AKT3: variants seen among roughly 807,000 people sequenced by gnomAD.
The protein encoded by AKT3 is RAC-gamma serine/threonine-protein kinase.
Under a neutral mutation model 65.3 loss-of-function variants are expected in AKT3, and 15 were observed. That is an observed-to-expected ratio of 0.23 (90% CI 0.15 to 0.35). AKT3 has a LOEUF of 0.35. Ranked by LOEUF, AKT3 falls within the 10% of genes least tolerant of loss-of-function variation. The probability of loss-of-function intolerance (pLI) is 1.00; values close to 1 mark genes in which losing one functional copy is unlikely to be tolerated. For missense variants in AKT3, 243 were observed against 576.5 expected (o/e 0.42, Z 5.92); for synonymous variants, 206 against 183.8 (o/e 1.12, Z -0.98).
intron 8 of AKT3, among the ~76,000 whole-genome samples, chr1:243,587,617 A>G (rs1037875019): frequency 3.3e-5 from 5 of 152,146 alleles, no homozygotes; most frequent in Non-Finnish European, 5.9e-5. Flanking sequence ...TCTCAAAAAT[A>G]CATACATAAA....
At chr1:243,757,543 G>A (rs527982985) in intron 2 of AKT3, among the ~76,000 whole-genome samples, 28 of 152,176 alleles carry the variant, frequency 1.8e-4, no homozygotes, top group African/African-American at 5.3e-4. Context: ...GCTTGAACCC[G>A]GGAGGCGGAG....
intron 2 of AKT3, among the ~76,000 whole-genome samples, chr1:243,826,612 A>G (rs1267688682): frequency 2.0e-5 from 3 of 152,188 alleles, no homozygotes; most frequent in African/African-American, 7.2e-5. Flanking sequence ...CCATCTTGAA[A>G]CCTTGAAGCA....
chr1:243,495,501 T>C (rs1023030304), downstream of AKT3, among the ~76,000 whole-genome samples: 9 of 152,178 alleles, frequency 5.9e-5, no homozygotes, highest in African/African-American at 2.2e-4. Context: ...GAATGGCCGC[T>C]GCCCTGCGAT....
chr1:243,573,355 C>T (rs931411651), intron 8 of AKT3, among the ~76,000 whole-genome samples: 2 of 152,150 alleles, frequency 1.3e-5, no homozygotes, highest in African/African-American at 4.8e-5. Flanking sequence ...TTCCCCCTCA[C>T]TATACTGTTG....
intron 2 of AKT3, among the ~76,000 whole-genome samples, chr1:243,773,931 T>C (rs902190874): frequency 6.6e-6 from 1 of 152,194 alleles, no homozygotes; most frequent in Non-Finnish European, 1.5e-5. Context: ...AATACTCTAG[T>C]GTGTTTATTC....
At chr1:243,584,345 C>T (rs1675638686) in intron 8 of AKT3, among the ~76,000 whole-genome samples, 1 of 152,008 alleles carries the variant, frequency 6.6e-6, no homozygotes, top group Non-Finnish European at 1.5e-5. Context: ...CCAAAAAAGT[C>T]CCAAACAAGA....
At chr1:243,548,825 T>C (rs1230410351) in intron 11 of AKT3, among the ~76,000 whole-genome samples, 1 of 151,914 alleles carries the variant, frequency 6.6e-6, no homozygotes, top group Non-Finnish European at 1.5e-5. Context: ...GACTAAGAAA[T>C]AAAAGCAAAA....
At chr1:243,551,192 T>C (rs1350557699) in intron 11 of AKT3, among the ~76,000 whole-genome samples, 1 of 152,052 alleles carries the variant, frequency 6.6e-6, no homozygotes, top group African/African-American at 2.4e-5. Flanking sequence ...TGAGAGACCT[T>C]GAAGAAATCA....
chr1:243,692,261 C>T (rs1684740267), intron 3 of AKT3, among the ~76,000 whole-genome samples: 1 of 152,050 alleles, frequency 6.6e-6, no homozygotes, highest in Non-Finnish European at 1.5e-5. Context: ...TCATAAGATC[C>T]CCATATGAGA....
intron 12 of AKT3, among the ~76,000 whole-genome samples, chr1:243,518,121 T>C (rs955416647): frequency 2.0e-5 from 3 of 152,256 alleles, no homozygotes; most frequent in Non-Finnish European, 4.4e-5. Context: ...CTTTTTACTG[T>C]AGCATTTACA....
chr1:243,656,946 T>C (rs901680613), intron 4 of AKT3, among the ~76,000 whole-genome samples: 2 of 152,228 alleles, frequency 1.3e-5, no homozygotes, highest in Admixed American at 6.5e-5. Flanking sequence ...AAAAGGTATA[T>C]GTGCTATGAT....
Position 243,620,629 on chromosome 1 carries a change from T to G in AKT3, c.562-5468A>C, listed in dbSNP as rs542563075. Reference sequence around the variant, plus strand: ...TTGAGCACTGGCCCAGATAATGACTTCTAATACTTCTTCCATTCTCCAGCT... The same window carrying G: ...TTGAGCACTGGCCCAGATAATGACTGCTAATACTTCTTCCATTCTCCAGCT... On this transcript the variant is annotated intron_variant, in intron 6 of 13. Transcript: ENST00000673466. Among the ~76,000 whole-genome samples the G allele has an allele frequency of 3.4e-4, 52 of 152,266 alleles. 1 individual carries two copies. Among genetic ancestry groups the G allele is most frequent in the African/African-American group, 1.2e-3 (48 of 41,572 alleles).
chr1:243,654,819 C>T (rs1048198718), intron 4 of AKT3, among the ~76,000 whole-genome samples: 2 of 152,098 alleles, frequency 1.3e-5, no homozygotes, highest in Admixed American at 6.6e-5. Flanking sequence ...GGTCTACATG[C>T]TGCTGCTCTG....
intron 2 of AKT3, among the ~76,000 whole-genome samples, chr1:243,728,761 A>C (rs1687366462): frequency 6.6e-6 from 1 of 152,218 alleles, no homozygotes; most frequent in African/African-American, 2.4e-5. Flanking sequence ...GCACAAACTC[A>C]TTTGCAGTCT....
chr1:243,768,830 A>AG (rs1384916157), intron 2 of AKT3, among the ~76,000 whole-genome samples: 6 of 135,572 alleles, frequency 4.4e-5, no homozygotes, highest in Non-Finnish European at 9.5e-5. Context: ...GTGATCCGCC[A>AG]CAAAAAAAAA....
Position 243,526,728 on chromosome 1 carries a change from C to A in AKT3, c.1252-14302G>T, listed in dbSNP as rs191490407. Among the ~76,000 whole-genome samples, 23 of 85,858 alleles carry A rather than the reference C, an allele frequency of 2.7e-4. No homozygotes were observed. In the Admixed American group the frequency reaches 3.2e-3, roughly 12 times the overall value. 56.3% of individuals were successfully genotyped at this position (85,858 alleles called of 152,430 possible). A position where few individuals can be genotyped will look rare whatever the true frequency, so the allele number is the denominator to read the frequency against. On this transcript the variant is annotated intron_variant, in intron 12 of 13. Transcript: ENST00000673466. ...AAGAATGAAGGCAAAATAAAGACAT[C>A]ATCCCATAAAAGAAAACAAATTTTT...
At chr1:243,616,307 TAAAAAAAAA>T (rs57576796) in intron 6 of AKT3, among the ~76,000 whole-genome samples, 2 of 66,754 alleles carry the variant, frequency 3.0e-5, no homozygotes, top group Non-Finnish European at 5.1e-5. Flanking sequence ...GTGCTTTTCT[TAAAAAAAAA>T]AAAAAAAAAA....
intron 13 of AKT3, among the ~76,000 whole-genome samples, chr1:243,494,410 G>A (rs1667296561): frequency 6.6e-6 from 1 of 152,086 alleles, no homozygotes; most frequent in African/African-American, 2.4e-5. Flanking sequence ...TTGAACATAT[G>A]CAGCTAAAAT....
chr1:243,537,162 T>C (rs577555142), intron 12 of AKT3, among the ~76,000 whole-genome samples: 11 of 152,268 alleles, frequency 7.2e-5, no homozygotes, highest in African/African-American at 1.4e-4. Context: ...ACTTCCATTA[T>C]TGACCATGAA....
Sources: gnomAD v4.1 joint callset for allele counts (sites outside exome capture counted in the v4.1 genomes callset) on GRCh38, gnomAD v4.1.1 for gene constraint, MANE v1.5 for transcripts, NCBI Gene and HGNC (gene_info 2026-07-23, HGNC 2026-07-21) for gene names.